Variants in PEX26 observed in about 807,000 individuals in gnomAD.
The protein encoded by PEX26 is peroxisomal biogenesis factor 26, also known as peroxisome assembly protein 26.
In PEX26, 18 loss-of-function variants were observed where a neutral mutation model predicts 31.4. The ratio of observed to expected loss-of-function variants is 0.57; its 90% CI spans 0.40 to 0.85. The LOEUF (loss-of-function observed/expected upper bound fraction) is 0.85. Ranked by LOEUF, PEX26 falls within the 40% of genes least tolerant of loss-of-function variation. The probability of loss-of-function intolerance (pLI) is 0.00; values close to 1 mark genes in which losing one functional copy is unlikely to be tolerated. For missense variants in PEX26, 377 were observed against 383.9 expected (o/e 0.98, Z 0.15); for synonymous variants, 176 against 166.9 (o/e 1.05, Z -0.42).
At chr22:18,083,805 G>C in intron 3 of PEX26, 73 bp downstream of exon 3, 1 of 1,403,434 alleles carries the variant, frequency 7.1e-7, no homozygotes, top group Non-Finnish European at 1.0e-6. Flanking sequence ...GGTCTGTCGT[G>C]AAACTCCTGC....
chr22:18,087,489 G>T (rs362234), intron 4 of PEX26, among the ~76,000 whole-genome samples: 151,162 of 152,372 alleles, frequency 0.99, 74,986 homozygotes, highest in East Asian at 1. Flanking sequence ...ACGAGTTAGC[G>T]CTCGGAATGC....
In PEX26 at chr22:18,088,550, G is replaced by A. The variant is rs1215126551; in HGVS notation, c.*475G>A. ...TCCCAGCACTTTGGAAGGGTGAGGT[G>A]GGTGGATCACTTGTGGCCAGGAGTT... is the stretch of plus-strand genomic sequence containing the variant. On this transcript the variant is annotated 3_prime_UTR_variant, in exon 5 of 5. Transcript: ENST00000399744. This position sits in a 1 kb window ranked among gnomAD's most constrained non-coding sequence, Gnocchi z 4.1. 3.7e-6 allele frequency: 1 copy of A among 271,084 alleles called. No homozygotes were observed. Among genetic ancestry groups the A allele is most frequent in the East Asian group, 9.0e-5 (1 of 11,134 alleles). The allele number at this position is 271,084 out of a possible 1,614,324, so 16.8% of individuals were successfully genotyped here.
chr22:18,093,941 T>C lies in PEX26; in HGVS notation c.*5866T>C, dbSNP rs1927211404. 6.6e-6 allele frequency: 1 copy of C among 152,248 alleles called. No individual in the cohort carries two copies. The highest frequency in any genetic ancestry group is 2.4e-5 in the African/African-American group (1 of 41,404). The allele number at this position is 152,248 out of a possible 1,614,324, so 9.4% of individuals were successfully genotyped here. ...CGGACAACTGCAGGTGAAGATGGGA[T>C]TGTGAAGTACAGTCCAAGGCCCACT... On this transcript the variant is annotated 3_prime_UTR_variant, in exon 5 of 5. Coordinates refer to ENST00000399744, the MANE Select transcript of PEX26 (RefSeq NM_001127649.3).
chr22:18,084,152 G>T (rs892764553), intron 3 of PEX26, among the ~76,000 whole-genome samples: 1 of 151,916 alleles, frequency 6.6e-6, no homozygotes, highest in South Asian at 2.1e-4. Flanking sequence ...TTCCCTGGTC[G>T]CTGAATCTTT....
intron 3 of PEX26, 61 bp from the exon 4 acceptor site, chr22:18,085,051 C>T (rs1388252589): frequency 1.9e-5 from 30 of 1,588,872 alleles, no homozygotes; most frequent in Admixed American, 1.0e-4. Context: ...GCACAGAGGT[C>T]GGGGTCAGGG....
chr22:18,099,493 C>T lies in PEX26; in HGVS notation c.*11418C>T, dbSNP rs1046127502. Reference sequence around the variant, plus strand: ...AAGTCTATATCTTCCCTTCAATATACATTCATATGTGCTTATTTTAAGCAT... The same window carrying T: ...AAGTCTATATCTTCCCTTCAATATATATTCATATGTGCTTATTTTAAGCAT... On this transcript the variant is annotated 3_prime_UTR_variant, in exon 5 of 5. Transcript: ENST00000399744. The T allele has an allele frequency of 6.6e-6, 1 of 152,174 alleles. No individual in the cohort carries two copies. The highest frequency in any genetic ancestry group is 1.5e-5 in the Non-Finnish European group (1 of 68,038). 9.4% of individuals were successfully genotyped at this position (152,174 alleles called of 1,614,324 possible).
rs1250197613 is a variant in PEX26, at chr22:18,095,000, CA to C, written c.*6926del. ...GATTTGAATCTAGGCATACAGGTACCAGGATTTCTGTTCTTATCTCCCCCAT... is the reference window on the plus strand; with the variant it reads ...GATTTGAATCTAGGCATACAGGTACCGGATTTCTGTTCTTATCTCCCCCAT... On this transcript the variant is annotated 3_prime_UTR_variant, in exon 5 of 5. Coordinates refer to ENST00000399744, the MANE Select transcript of PEX26 (RefSeq NM_001127649.3). 1.3e-5 allele frequency: 2 copies of C among 152,126 alleles called. No homozygotes were observed. The highest frequency in any genetic ancestry group is 3.9e-4 in the East Asian group (2 of 5,188). 9.4% of individuals were successfully genotyped at this position (152,126 alleles called of 1,614,324 possible). A position where few individuals can be genotyped will look rare whatever the true frequency, so the allele number is the denominator to read the frequency against.
rs758495334 is a variant in PEX26 at position 18,083,694 on chromosome 22, A to C, written c.629A>C (p.His210Pro). Residue 210 changes from histidine to proline, a missense_variant, in exon 3 of 5, where the codon CAC (histidine) becomes CCC (proline). Coordinates refer to ENST00000399744, the MANE Select transcript of PEX26 (RefSeq NM_001127649.3). Reference sequence around the variant, plus strand: ...GCGAGGCAGCAGCAGAAACAGGAACACTCAGGCTCTGAGGAGGCCCAGAAG... The same window carrying C: ...GCGAGGCAGCAGCAGAAACAGGAACCCTCAGGCTCTGAGGAGGCCCAGAAG... ...HTARQQQKQE[H>P]SGSEEAQKPN... 6.2e-7 allele frequency: 1 copy of C among 1,614,008 alleles called. No individual in the cohort carries two copies.
rs1927031800 is a variant in PEX26 at position 18,090,170 on chromosome 22, A to G, written c.*2095A>G. 6.6e-6 allele frequency: 1 copy of G among 152,206 alleles called. No individual in the cohort carries two copies. Among genetic ancestry groups the G allele is most frequent in the African/African-American group, 2.4e-5 (1 of 41,440 alleles). 9.4% of individuals were successfully genotyped at this position (152,206 alleles called of 1,614,324 possible). A position where few individuals can be genotyped will look rare whatever the true frequency, so the allele number is the denominator to read the frequency against. On this transcript the variant is annotated 3_prime_UTR_variant, in exon 5 of 5. Transcript: ENST00000399744. The stretch of plus-strand genomic sequence containing the variant: ...GAGAAAAGCAGTCAGGTGAGGTTTG[A>G]GATTCCTTCTATAGAATGATTTCTT...
At position 18,081,151 on chromosome 22, in the gene PEX26, T is replaced by TTATATATATA. The variant is rs60289884; in HGVS notation, c.371+1153_371+1162dup. 1.6e-3 allele frequency among the ~76,000 whole-genome samples: 227 copies of TTATATATATA among 141,360 alleles called. 1 individual carries two copies. Among genetic ancestry groups the TTATATATATA allele is most frequent in the African/African-American group, 5.3e-3 (208 of 39,254 alleles). 92.7% of individuals were successfully genotyped at this position (141,360 alleles called of 152,430 possible). ...TTTTTTATGGCTATATAGTATTCCATTATATATATATATATATATATATAT... is the reference window on the plus strand; with the variant it reads ...TTTTTTATGGCTATATAGTATTCCATTATATATATATATATATATATATATATATATATAT... On this transcript the variant is annotated intron_variant, in intron 2 of 4. Coordinates refer to ENST00000399744, the MANE Select transcript of PEX26 (RefSeq NM_001127649.3).
Position 18,094,520 on chromosome 22 carries a change from T to C in PEX26, c.*6445T>C, listed in dbSNP as rs1363513328. The C allele has an allele frequency of 1.3e-5, 2 of 152,260 alleles. No homozygotes were observed. Among genetic ancestry groups the C allele is most frequent in the Admixed American group, 1.3e-4 (2 of 15,280 alleles). 9.4% of individuals were successfully genotyped at this position (152,260 alleles called of 1,614,324 possible). ...CCTGGAGAGAAAAAAGCTTCTTTAA[T>C]GACGACCTCAACATAATTTACATGG... On this transcript the variant is annotated 3_prime_UTR_variant, in exon 5 of 5. Coordinates refer to ENST00000399744, the MANE Select transcript of PEX26 (RefSeq NM_001127649.3).
chr22:18,078,553 G>C lies in PEX26; in HGVS notation c.177G>C (p.Glu59Asp). The C allele has an allele frequency of 6.3e-7, 1 of 1,591,390 alleles. No individual in the cohort carries two copies. Among genetic ancestry groups the C allele is most frequent in the Non-Finnish European group, 8.5e-7 (1 of 1,171,748 alleles). Residue 59 changes from glutamate to aspartate, a missense_variant, in exon 1 of 5, where the codon GAG becomes GAC. Glu to Asp is a conservative substitution (Grantham distance 45). Transcript: ENST00000399744. ...LDFRAALETC[E>D]RAWQSLANHA... Reference sequence around the variant, plus strand: ...TCCGGGCGGCGCTGGAGACCTGCGAGCGGGCCTGGCAGAGTCTGGCCAACC... The same window carrying C: ...TCCGGGCGGCGCTGGAGACCTGCGACCGGGCCTGGCAGAGTCTGGCCAACC...
rs1927192763 is a variant in PEX26 at position 18,093,572 on chromosome 22, AAAAAC to A, written c.*5502_*5506del. On this transcript the variant is annotated 3_prime_UTR_variant, in exon 5 of 5. Coordinates refer to ENST00000399744, the MANE Select transcript of PEX26 (RefSeq NM_001127649.3). ...AGCAAGACTCCGTCTTAAAAAAAAA[AAAAAC>A]AAAAATAAACCTTTTAAATAAAGTG... 6.7e-6 allele frequency: 1 copy of A among 149,392 alleles called. No homozygotes were observed. The highest frequency in any genetic ancestry group is 2.1e-4 in the South Asian group (1 of 4,802). The allele number at this position is 149,392 out of a possible 1,614,324, so 9.3% of individuals were successfully genotyped here. A position where few individuals can be genotyped will look rare whatever the true frequency, so the allele number is the denominator to read the frequency against.
In PEX26 at chr22:18,089,293, C is replaced by T. The variant is rs1569190374; in HGVS notation, c.*1218C>T. On this transcript the variant is annotated 3_prime_UTR_variant, in exon 5 of 5. Coordinates refer to ENST00000399744, the MANE Select transcript of PEX26 (RefSeq NM_001127649.3). The stretch of plus-strand genomic sequence containing the variant: ...CGTGTGGCCTTGAAAAGTAGGCCAG[C>T]CTCAGAGGCTGCTGAGCTGAAAATG... 6.6e-6 allele frequency: 1 copy of T among 152,614 alleles called. No individual in the cohort carries two copies. 9.5% of individuals were successfully genotyped at this position (152,614 alleles called of 1,614,324 possible).
rs550510135 is a variant in PEX26 at position 18,103,241 on chromosome 22, A to G, written c.*15166A>G. Reference sequence around the variant, plus strand: ...ACATAGATAGAAGGAGTGAGTTCTAATGCTTGATAGCAGAATAGGGTGACC... The same window carrying G: ...ACATAGATAGAAGGAGTGAGTTCTAGTGCTTGATAGCAGAATAGGGTGACC... On this transcript the variant is annotated 3_prime_UTR_variant, in exon 5 of 5. Coordinates refer to ENST00000399744, the MANE Select transcript of PEX26 (RefSeq NM_001127649.3). 2.6e-5 allele frequency: 4 copies of G among 152,024 alleles called. No homozygotes were observed. The highest frequency in any genetic ancestry group is 7.3e-5 in the African/African-American group (3 of 41,356). The allele number at this position is 152,024 out of a possible 1,614,324, so 9.4% of individuals were successfully genotyped here.
chr22:18,084,044 G>A (rs1926731649), intron 3 of PEX26, among the ~76,000 whole-genome samples: 1 of 152,178 alleles, frequency 6.6e-6, no homozygotes, highest in South Asian at 2.1e-4. Context: ...TGGTCTGGGT[G>A]GGATGTCCTT....
chr22:18,103,670 C>G lies in PEX26; in HGVS notation c.*15595C>G, dbSNP rs976982742. ...TGTCCTTTGGCTGGTGGCCCTCCAC[C>G]CTGCCCACAGCCCGGCCAGCTCAGC... On this transcript the variant is annotated 3_prime_UTR_variant, in exon 5 of 5. Coordinates refer to ENST00000399744, the MANE Select transcript of PEX26 (RefSeq NM_001127649.3). The G allele has an allele frequency of 3.3e-5, 5 of 152,292 alleles. No individual in the cohort carries two copies. Among genetic ancestry groups the G allele is most frequent in the Admixed American group, 2.6e-4 (4 of 15,260 alleles). 9.4% of individuals were successfully genotyped at this position (152,292 alleles called of 1,614,324 possible).
At chr22:18,084,821 C>G (rs1926772380) in intron 3 of PEX26, among the ~76,000 whole-genome samples, 1 of 151,512 alleles carries the variant, frequency 6.6e-6, no homozygotes, top group Non-Finnish European at 1.5e-5. Flanking sequence ...CTCCCAGATT[C>G]AAGTGATTCT....
chr22:18,087,416 C>T (rs1450513928), intron 4 of PEX26, among the ~76,000 whole-genome samples: 1 of 152,138 alleles, frequency 6.6e-6, no homozygotes, highest in African/African-American at 2.4e-5. Flanking sequence ...TCCTTCTAAC[C>T]CGTCTGCTGA....
Sources: gnomAD v4.1 joint callset for allele counts (sites outside exome capture counted in the v4.1 genomes callset) on GRCh38, gnomAD v4.1.1 for gene constraint, Gnocchi (gnomAD v3.1) non-coding constraint, MANE v1.5 for transcripts, NCBI Gene and HGNC (gene_info 2026-07-23, HGNC 2026-07-21) for gene names.